The following FAM78A variants were observed in gnomAD, a reference collection of about 807,000 sequenced individuals.
FAM78A encodes the protein family with sequence similarity 78 member A.
Under a neutral mutation model 22.6 loss-of-function variants are expected in FAM78A, and 12 were observed. The ratio of observed to expected loss-of-function variants is 0.53; its 90% CI spans 0.34 to 0.86. The LOEUF is 0.86. Ranked by LOEUF, FAM78A falls within the 40% of genes least tolerant of loss-of-function variation. The pLI is 0.02. For synonymous variants in FAM78A, 151 were observed against 155.8 expected (o/e 0.97, Z 0.23); for missense variants, 322 against 396.1 (o/e 0.81, Z 1.59).
chr9:131,269,532 A>G (rs2767651), intron 1 of FAM78A, among the ~76,000 whole-genome samples: 27,630 of 151,240 alleles, frequency 0.18, 3,238 homozygotes, highest in Non-Finnish European at 0.26. Flanking sequence ...GCTGGAGTGC[A>G]GTGGCGTGAT....
Position 131,263,400 on chromosome 9 carries a change from C to T in FAM78A, c.324-2050G>A, listed in dbSNP as rs1313338851. On this transcript the variant is annotated intron_variant, in intron 1 of 1. Transcript: ENST00000372271. ...GGTAGATCACTTGAGGTCAGGAGTT[C>T]GAGACCAGGCTGGCCAACATGCTGA... 5 of 152,422 alleles carry T rather than the reference C, an allele frequency of 3.3e-5. No homozygotes were observed. In the East Asian group the frequency reaches 5.8e-4, roughly 18 times the overall value. The allele number at this position is 152,422 out of a possible 1,614,324, so 9.4% of individuals were successfully genotyped here. A position where few individuals can be genotyped will look rare whatever the true frequency, so the allele number is the denominator to read the frequency against.
At chr9:131,262,589 T>A (rs1370326510) in intron 1 of FAM78A, 1 of 150,188 alleles carries the variant, frequency 6.7e-6, no homozygotes, top group Non-Finnish European at 1.5e-5. Context: ...TAAAAAAAAA[T>A]GCATTCCTGT....
At chr9:131,263,600 CT>C in intron 1 of FAM78A, 1 of 165,832 alleles carries the variant, frequency 6.0e-6, no homozygotes, top group Admixed American at 6.5e-5. Context: ...CAGACCCTGT[CT>C]TAAAAAAAAA....
chr9:131,273,107 C>G (rs1386555038), intron 1 of FAM78A, among the ~76,000 whole-genome samples: 2 of 152,192 alleles, frequency 1.3e-5, no homozygotes, highest in Non-Finnish European at 2.9e-5. Context: ...AACTCGGCCC[C>G]TTAGGATGAT....
upstream of FAM78A, among the ~76,000 whole-genome samples, chr9:131,280,622 A>G (rs557085717): frequency 3.9e-5 from 6 of 152,262 alleles, no homozygotes; most frequent in South Asian, 1.2e-3. Context: ...GGGAGCTCAA[A>G]GTGTTGTCAG....
At chr9:131,269,455 G>A (rs773545678) in intron 1 of FAM78A, among the ~76,000 whole-genome samples, 17 of 151,922 alleles carry the variant, frequency 1.1e-4, no homozygotes, top group East Asian at 7.7e-4. Flanking sequence ...ATTAGGAGCC[G>A]TGCTGGAGTT....
At chr9:131,271,199 A>G (rs902186369) in intron 1 of FAM78A, among the ~76,000 whole-genome samples, 3 of 151,874 alleles carry the variant, frequency 2.0e-5, no homozygotes, top group African/African-American at 4.8e-5. Context: ...TTGTAGGGAC[A>G]AGGTTTCACT....
rs1169899733 is a variant in FAM78A, at chr9:131,260,269, G to C, written c.*553C>G. On this transcript the variant is annotated 3_prime_UTR_variant, in exon 2 of 2. Coordinates refer to ENST00000372271, the MANE Select transcript of FAM78A (RefSeq NM_033387.4). This position sits in a 1 kb window ranked among gnomAD's most constrained non-coding sequence, Gnocchi z 5.4. Reference sequence around the variant, plus strand: ...AAAAGTCCGGTAGAAAAGAGATCCTGCTTTCTTTCTCCGATTGGTTTTCTT... The same window carrying C: ...AAAAGTCCGGTAGAAAAGAGATCCTCCTTTCTTTCTCCGATTGGTTTTCTT... The C allele has an allele frequency of 4.6e-5, 7 of 152,768 alleles. No homozygotes were observed. The highest frequency in any genetic ancestry group is 1.7e-4 in the African/African-American group (7 of 41,448). 9.5% of individuals were successfully genotyped at this position (152,768 alleles called of 1,614,324 possible).
At chr9:131,268,337 C>G (rs1450449555) in intron 1 of FAM78A, among the ~76,000 whole-genome samples, 1 of 152,136 alleles carries the variant, frequency 6.6e-6, no homozygotes, top group Non-Finnish European at 1.5e-5. Flanking sequence ...CTGCCGCCCC[C>G]CTGGGCTGTC....
In FAM78A at chr9:131,260,837, C is replaced by G. The variant is rs200909332; in HGVS notation, c.837G>C (p.Pro279=). Residue 279 remains proline (P), a synonymous_variant, in exon 2 of 2, where the codon CCG becomes CCC. Transcript: ENST00000372271. This position sits in a 1 kb window ranked among gnomAD's most constrained non-coding sequence, Gnocchi z 5.4. ...PKYGQPLVVI[P]PKHR ...GTCCTGGCTGTCACCGGTGCTTGGG[C>G]GGGATCACCACCAGCGGCTGCCCGT... The G allele has an allele frequency of 6.6e-7, 1 of 1,518,674 alleles. No homozygotes were observed. The highest frequency in any genetic ancestry group is 8.8e-7 in the Non-Finnish European group (1 of 1,133,552). The allele number at this position is 1,518,674 out of a possible 1,614,324, so 94.1% of individuals were successfully genotyped here.
In FAM78A at chr9:131,260,889, G is replaced by A; in HGVS notation, c.785C>T (p.Ala262Val). The A allele has an allele frequency of 6.5e-7, 1 of 1,550,376 alleles. No individual in the cohort carries two copies. The highest frequency in any genetic ancestry group is 8.7e-7 in the Non-Finnish European group (1 of 1,145,870). ...CTTGGGCCGCCACATGAGGACCTGG[G>A]CATCGTTGGCATTGGGCTTGACCAG... is the stretch of plus-strand genomic sequence containing the variant. ...SALVKPNAND[A>V]QVLMWRPKYG... Residue 262 changes from alanine (A) to valine (V), a missense_variant, in exon 2 of 2, where the codon GCC (alanine) becomes GTC (valine). Coordinates refer to ENST00000372271, the MANE Select transcript of FAM78A (RefSeq NM_033387.4). This position sits in a 1 kb window ranked among gnomAD's most constrained non-coding sequence, Gnocchi z 5.4.
At position 131,272,295 on chromosome 9, in the gene FAM78A, C is replaced by G. The variant is rs1835430631; in HGVS notation, c.323+3562G>C. ...TTTTAAGGATGTGAATTGTCTGGGTCAAGTCCAGTGGTTCTCCACTAGGTG... is the reference window on the plus strand; with the variant it reads ...TTTTAAGGATGTGAATTGTCTGGGTGAAGTCCAGTGGTTCTCCACTAGGTG... On this transcript the variant is annotated intron_variant, in intron 1 of 1. Transcript: ENST00000372271. This position sits in a 1 kb window ranked among gnomAD's most constrained non-coding sequence, Gnocchi z 4.1. Among the ~76,000 whole-genome samples, 1 of 152,232 alleles carries G rather than the reference C, an allele frequency of 6.6e-6. No homozygotes were observed. The highest frequency in any genetic ancestry group is 2.1e-4 in the South Asian group (1 of 4,836).
Position 131,260,899 on chromosome 9 carries a change from C to A in FAM78A, c.775G>T (p.Ala259Ser). The A allele has an allele frequency of 6.4e-7, 1 of 1,564,208 alleles. No homozygotes were observed. Among genetic ancestry groups the A allele is most frequent in the Non-Finnish European group, 8.7e-7 (1 of 1,152,058 alleles). The change falls in exon 2 of 2, where the codon GCC becomes TCC. Residue 259 changes from alanine (A) to serine (S), a missense_variant. By Grantham distance (99) the Ala-to-Ser change is moderately conservative (BLOSUM62 1). Transcript: ENST00000372271. The surrounding 1 kb of genome is among the most constrained non-coding windows in gnomAD (Gnocchi z 5.4). ...IPPSALVKPN[A>S]NDAQVLMWRP... ...CACATGAGGACCTGGGCATCGTTGGCATTGGGCTTGACCAGGGCGCTGGGC... is the reference window on the plus strand; with the variant it reads ...CACATGAGGACCTGGGCATCGTTGGAATTGGGCTTGACCAGGGCGCTGGGC...
At position 131,261,052 on chromosome 9, in the gene FAM78A, T is replaced by C; in HGVS notation, c.622A>G (p.Thr208Ala). 6.2e-7 allele frequency: 1 copy of C among 1,614,130 alleles called. No individual in the cohort carries two copies. Among genetic ancestry groups the C allele is most frequent in the Non-Finnish European group, 8.5e-7 (1 of 1,180,014 alleles). ...CTGAGCTGCATGCGCCAGTGCAGCG[T>C]CTGCAGGATGATCATGTCGTTGGTG... ...TSTNDMIILQ[T>A]LHWRMQLSIE... The change falls in exon 2 of 2, where the codon ACG becomes GCG. Residue 208 changes from threonine to alanine, a missense_variant. By Grantham distance (58) the Thr-to-Ala change is moderately conservative. Coordinates refer to ENST00000372271, the MANE Select transcript of FAM78A (RefSeq NM_033387.4). The surrounding 1 kb of genome is among the most constrained non-coding windows in gnomAD (Gnocchi z 7.1).
chr9:131,276,483 C>T lies in FAM78A; in HGVS notation c.-304G>A, dbSNP rs1835486313. The T allele has an allele frequency of 4.1e-6, 1 of 241,248 alleles. No homozygotes were observed. Among genetic ancestry groups the T allele is most frequent in the Admixed American group, 5.3e-5 (1 of 18,990 alleles). 14.9% of individuals were successfully genotyped at this position (241,248 alleles called of 1,614,324 possible). ...TGCCTCACACGCGGGGACGGCAGCTCGCAGACTCTCCCTGAAGTCTTCGGA... is the reference window on the plus strand; with the variant it reads ...TGCCTCACACGCGGGGACGGCAGCTTGCAGACTCTCCCTGAAGTCTTCGGA... On this transcript the variant is annotated 5_prime_UTR_variant, in exon 1 of 2. Coordinates refer to ENST00000372271, the MANE Select transcript of FAM78A (RefSeq NM_033387.4). The surrounding 1 kb of genome is among the most constrained non-coding windows in gnomAD (Gnocchi z 4.3).
At chr9:131,264,420 T>C in intron 1 of FAM78A, 1 of 588,532 alleles carries the variant, frequency 1.7e-6, no homozygotes, top group Non-Finnish European at 3.1e-6. Flanking sequence ...CACCTGGGGG[T>C]TGCAGCGGGT....
At position 131,259,676 on chromosome 9, in the gene FAM78A, C is replaced by A; in HGVS notation, c.*1146G>T. 1 of 152,642 alleles carries A rather than the reference C, an allele frequency of 6.6e-6. No homozygotes were observed. The allele number at this position is 152,642 out of a possible 1,614,324, so 9.5% of individuals were successfully genotyped here. ...CCAGGGGCCAGCCAGCCACAGGGGC[C>A]GGGGCCCACCCGATTCAAGTCTTAA... On this transcript the variant is annotated 3_prime_UTR_variant, in exon 2 of 2. Coordinates refer to ENST00000372271, the MANE Select transcript of FAM78A (RefSeq NM_033387.4).
At chr9:131,264,622 G>A in intron 1 of FAM78A, 1 of 717,296 alleles carries the variant, frequency 1.4e-6, no homozygotes, top group South Asian at 1.5e-5. Flanking sequence ...GAAGCTTCTG[G>A]AGACCCTTTG....
rs1309755644 is a variant in FAM78A, at chr9:131,258,285, C to T, written c.*2537G>A. 6.5e-6 allele frequency: 1 copy of T among 152,692 alleles called. No homozygotes were observed. Among genetic ancestry groups the T allele is most frequent in the African/African-American group, 2.4e-5 (1 of 41,464 alleles). The allele number at this position is 152,692 out of a possible 1,614,324, so 9.5% of individuals were successfully genotyped here. ...TCCACGCCAGGGCGGGGCTGGAGGA[C>T]ATAAGAAGAATCGGGGCCCTGGCAG... On this transcript the variant is annotated 3_prime_UTR_variant, in exon 2 of 2. Coordinates refer to ENST00000372271, the MANE Select transcript of FAM78A (RefSeq NM_033387.4).
Sources: gnomAD v4.1 joint callset for allele counts (sites outside exome capture counted in the v4.1 genomes callset) on GRCh38, gnomAD v4.1.1 for gene constraint, Gnocchi (gnomAD v3.1) non-coding constraint, MANE v1.5 for transcripts, NCBI Gene and HGNC (gene_info 2026-07-23, HGNC 2026-07-21) for gene names.